Variants in CNTNAP2 observed in about 807,000 individuals in gnomAD.
CNTNAP2 encodes contactin-associated protein-like 2.
Under a neutral mutation model 155.2 loss-of-function variants are expected in CNTNAP2, and 98 were observed. That is an observed-to-expected ratio of 0.63 (90% CI 0.54 to 0.75). The LOEUF (loss-of-function observed/expected upper bound fraction) is 0.75, where lower values mean the gene tolerates loss of function less well. Among genes scored for constraint, CNTNAP2 ranks in the 30% least tolerant of loss-of-function variants. The pLI is 0.00. For missense variants in CNTNAP2, 1,727 were observed against 1,688.1 expected (o/e 1.02, Z -0.40); for synonymous variants, 651 against 631.2 (o/e 1.03, Z -0.47).
chr7:146,929,774 G>A (rs929949736), intron 3 of CNTNAP2, among the ~76,000 whole-genome samples: 11 of 152,130 alleles, frequency 7.2e-5, no homozygotes, highest in Non-Finnish European at 1.0e-4. Flanking sequence ...GCCAAGGCTC[G>A]AGAACTACGT....
At chr7:147,656,279 A>G (rs1372714758) in intron 13 of CNTNAP2, among the ~76,000 whole-genome samples, 1 of 152,184 alleles carries the variant, frequency 6.6e-6, no homozygotes, top group African/African-American at 2.4e-5. Flanking sequence ...AGCACTTTCA[A>G]TTGCCTTTGA....
In CNTNAP2 at chr7:146,788,267, G is replaced by A. The variant is rs10264291; in HGVS notation, c.208+13886G>A. 5.8e-3 allele frequency among the ~76,000 whole-genome samples: 884 copies of A among 152,338 alleles called. 5 individuals carry two copies. The highest frequency in any genetic ancestry group is 0.02 in the African/African-American group (826 of 41,586). On this transcript the variant is annotated intron_variant, in intron 2 of 23. Coordinates refer to ENST00000361727, the MANE Select transcript of CNTNAP2 (RefSeq NM_014141.6). ...AGAGGGGGACCCCCACAGCACAGCAGCGGGCTGAAGGGCTCCTGGAGTGCG... is the reference window on the plus strand; with the variant it reads ...AGAGGGGGACCCCCACAGCACAGCAACGGGCTGAAGGGCTCCTGGAGTGCG...
At chr7:147,264,819 T>C (rs914199641) in intron 8 of CNTNAP2, among the ~76,000 whole-genome samples, 7 of 152,022 alleles carry the variant, frequency 4.6e-5, no homozygotes, top group Non-Finnish European at 8.8e-5. Flanking sequence ...CCTGCTTAAT[T>C]TACTGTTTTC....
At chr7:148,123,371 T>C (rs1299454894) in intron 16 of CNTNAP2, among the ~76,000 whole-genome samples, 1 of 152,110 alleles carries the variant, frequency 6.6e-6, no homozygotes, top group Non-Finnish European at 1.5e-5. Context: ...GAGTATCACT[T>C]GAGCCCAAAA....
At chr7:146,744,443 GCTCA>G (rs1801776058) in intron 1 of CNTNAP2, among the ~76,000 whole-genome samples, 2 of 152,066 alleles carry the variant, frequency 1.3e-5, no homozygotes, top group African/African-American at 2.4e-5. Flanking sequence ...TCTGATTCTG[GCTCA>G]CTCACTTCTG....
At position 147,470,172 on chromosome 7, in the gene CNTNAP2, A is replaced by G. The variant is rs1798191808; in HGVS notation, c.1671-15763A>G. ...GGATCAGCCTGGTTGCTATGAGAGT[A>G]GAATAGGTTGGGTGAGAAGAGACAC... On this transcript the variant is annotated intron_variant, in intron 10 of 23. Coordinates refer to ENST00000361727, the MANE Select transcript of CNTNAP2 (RefSeq NM_014141.6). 2.0e-5 allele frequency among the ~76,000 whole-genome samples: 3 copies of G among 152,238 alleles called. No homozygotes were observed. The South Asian group carries it at 6.2e-4, about 31-fold the overall frequency.
At chr7:147,516,386 T>G (rs1198713646) in intron 11 of CNTNAP2, among the ~76,000 whole-genome samples, 1 of 152,212 alleles carries the variant, frequency 6.6e-6, no homozygotes, top group Non-Finnish European at 1.5e-5. Flanking sequence ...CTTATTTCCG[T>G]GTTAAAATGC....
At chr7:147,411,328 A>AT (rs547164863) in intron 10 of CNTNAP2, among the ~76,000 whole-genome samples, 4 of 152,172 alleles carry the variant, frequency 2.6e-5, no homozygotes, top group Non-Finnish European at 4.4e-5. Context: ...TCAAAGATTA[A>AT]TTTTTTCTAG....
At chr7:147,079,252 G>A (rs1213843664) in intron 4 of CNTNAP2, among the ~76,000 whole-genome samples, 1 of 152,086 alleles carries the variant, frequency 6.6e-6, no homozygotes, top group Non-Finnish European at 1.5e-5. Context: ...GAGGTCACAG[G>A]GAGGTTGAGT....
chr7:147,259,155 A>G (rs1376568439), intron 8 of CNTNAP2, among the ~76,000 whole-genome samples: 3 of 152,206 alleles, frequency 2.0e-5, no homozygotes. Flanking sequence ...CTAGTTTATC[A>G]GGTACCTGGC....
At chr7:147,577,190 G>A (rs144830702) in intron 12 of CNTNAP2, among the ~76,000 whole-genome samples, 15 of 152,046 alleles carry the variant, frequency 9.9e-5, no homozygotes, top group Admixed American at 7.9e-4. Flanking sequence ...GATGATCCTC[G>A]GTTCATTCAT....
intron 4 of CNTNAP2, among the ~76,000 whole-genome samples, chr7:147,066,586 A>G (rs1268749568): frequency 6.6e-6 from 1 of 152,300 alleles, no homozygotes; most frequent in African/African-American, 2.4e-5. Context: ...TTCATTCCCA[A>G]TTATAGACTA....
At position 147,649,870 on chromosome 7, in the gene CNTNAP2, T is replaced by TA. The variant is rs35530912; in HGVS notation, c.2098+10573dup. ...AAGTCTTCTAAAAAGATTGGATAGATAAAAAAAAATGTACTTTAAACTTTG... is the reference window on the plus strand; with the variant it reads ...AAGTCTTCTAAAAAGATTGGATAGATAAAAAAAAAATGTACTTTAAACTTTG... On this transcript the variant is annotated intron_variant, in intron 13 of 23. Coordinates refer to ENST00000361727, the MANE Select transcript of CNTNAP2 (RefSeq NM_014141.6). Among the ~76,000 whole-genome samples, 470 of 151,160 alleles carry TA rather than the reference T, an allele frequency of 3.1e-3. 8 individuals carry two copies. The highest frequency in any genetic ancestry group is 0.027 in the East Asian group (137 of 5,156).
At chr7:148,201,519 C>T (rs139365558) in intron 18 of CNTNAP2, among the ~76,000 whole-genome samples, 11 of 152,226 alleles carry the variant, frequency 7.2e-5, no homozygotes, top group Admixed American at 3.9e-4. Context: ...TGTAAAAAAA[C>T]GTGACTGAAT....
intron 22 of CNTNAP2, among the ~76,000 whole-genome samples, chr7:148,407,629 G>A (rs1372830400): frequency 1.3e-5 from 2 of 150,418 alleles, no homozygotes; most frequent in Non-Finnish European, 3.0e-5. Flanking sequence ...ACTTGAGCCT[G>A]GGAGGTCCAG....
chr7:147,590,431 AG>A (rs1563011679), intron 12 of CNTNAP2, among the ~76,000 whole-genome samples: 1 of 152,122 alleles, frequency 6.6e-6, no homozygotes, highest in Non-Finnish European at 1.5e-5. Context: ...GGTCTTTATA[AG>A]GAGCTTCCCC....
At chr7:147,326,132 G>A (rs563516919) in intron 9 of CNTNAP2, among the ~76,000 whole-genome samples, 6 of 152,170 alleles carry the variant, frequency 3.9e-5, no homozygotes, top group African/African-American at 7.2e-5. Flanking sequence ...CACCGTGTTA[G>A]CCAGGATGGT....
At chr7:146,766,375 A>G (rs897923672) in intron 1 of CNTNAP2, among the ~76,000 whole-genome samples, 1 of 152,146 alleles carries the variant, frequency 6.6e-6, no homozygotes, top group Non-Finnish European at 1.5e-5. Context: ...CTGCAATATT[A>G]TTATATAGGG....
chr7:147,281,349 T>C (rs1242437152), intron 8 of CNTNAP2, among the ~76,000 whole-genome samples: 1 of 151,856 alleles, frequency 6.6e-6, no homozygotes, highest in Non-Finnish European at 1.5e-5. Flanking sequence ...AAAGCTTATA[T>C]TAAATATTAT....
Sources: gnomAD v4.1 joint callset for allele counts (sites outside exome capture counted in the v4.1 genomes callset) on GRCh38, gnomAD v4.1.1 for gene constraint, MANE v1.5 for transcripts, NCBI Gene and HGNC (gene_info 2026-07-23, HGNC 2026-07-21) for gene names.